Variants in SORCS3 observed in about 807,000 individuals in gnomAD.
The protein encoded by SORCS3 is sortilin related VPS10 domain containing receptor 3.
SORCS3 carries 57 observed loss-of-function variants against 146.3 expected under a neutral mutation model. The ratio of observed to expected loss-of-function variants is 0.39; its 90% CI spans 0.31 to 0.49. The LOEUF is 0.49. Ranked by LOEUF, SORCS3 falls within the 20% of genes least tolerant of loss-of-function variation. The probability of loss-of-function intolerance (pLI) is 0.92; values close to 1 mark genes in which losing one functional copy is unlikely to be tolerated. For synonymous variants in SORCS3, 653 were observed against 618.5 expected, an observed-to-expected ratio of 1.06 and a Z score of -0.83; for missense variants, 1,341 against 1,575.5, an observed-to-expected ratio of 0.85 and a Z score of 2.52.
intron 4 of SORCS3, among the ~76,000 whole-genome samples, chr10:104,987,364 C>T (rs1364482451): frequency 1.3e-5 from 2 of 151,972 alleles, no homozygotes; most frequent in African/African-American, 4.8e-5. Flanking sequence ...TTTATTATTT[C>T]ATTACATTGC....
rs1589717504 is a variant in SORCS3 at position 105,263,915 on chromosome 10, A to G, written c.*541A>G. The stretch of plus-strand genomic sequence containing the variant: ...TACAGATGGCTTATTGTATATAATT[A>G]CAATGTAAATAGCTTTTTATTTCCT... On this transcript the variant is annotated 3_prime_UTR_variant, in exon 27 of 27. Coordinates refer to ENST00000369701, the MANE Select transcript of SORCS3 (RefSeq NM_014978.3). 6.5e-6 allele frequency: 1 copy of G among 153,112 alleles called. No homozygotes were observed. The highest frequency in any genetic ancestry group is 1.9e-4 in the East Asian group (1 of 5,184). 9.5% of individuals were successfully genotyped at this position (153,112 alleles called of 1,614,324 possible).
At chr10:104,954,462 G>A (rs1319660378) in intron 3 of SORCS3, among the ~76,000 whole-genome samples, 1 of 152,208 alleles carries the variant, frequency 6.6e-6, no homozygotes, top group Non-Finnish European at 1.5e-5. Flanking sequence ...GTAAGTGCCT[G>A]TATACCAACT....
At chr10:104,782,688 G>A (rs1456750946) in intron 1 of SORCS3, among the ~76,000 whole-genome samples, 1 of 152,154 alleles carries the variant, frequency 6.6e-6, no homozygotes, top group African/African-American at 2.4e-5. Context: ...CCAAGAGTCA[G>A]GCATGAGCTC....
chr10:104,683,910 A>G (rs1454885701), intron 1 of SORCS3, among the ~76,000 whole-genome samples: 1 of 152,182 alleles, frequency 6.6e-6, no homozygotes, highest in Non-Finnish European at 1.5e-5. Context: ...AGGCCCTCTC[A>G]TTGAGTTATA....
intron 4 of SORCS3, among the ~76,000 whole-genome samples, chr10:105,029,435 T>C (rs930037645): frequency 1.3e-5 from 2 of 152,206 alleles, no homozygotes; most frequent in Non-Finnish European, 2.9e-5. Context: ...CCCTTTTGTA[T>C]CTAGAGGGAA....
At chr10:104,990,112 T>C (rs1365469153) in intron 4 of SORCS3, among the ~76,000 whole-genome samples, 1 of 152,134 alleles carries the variant, frequency 6.6e-6, no homozygotes, top group African/African-American at 2.4e-5. Flanking sequence ...ACTCTACCCC[T>C]CTGTGCAGAA....
chr10:105,207,171 CAA>C (rs1349620895), intron 16 of SORCS3, among the ~76,000 whole-genome samples: 1 of 152,080 alleles, frequency 6.6e-6, no homozygotes, highest in East Asian at 1.9e-4. Flanking sequence ...CAATCTTTGG[CAA>C]AGTCATTTCT....
intron 1 of SORCS3, among the ~76,000 whole-genome samples, chr10:104,683,909 C>G (rs1158713146): frequency 6.6e-6 from 1 of 152,186 alleles, no homozygotes; most frequent in Non-Finnish European, 1.5e-5. Flanking sequence ...AAGGCCCTCT[C>G]ATTGAGTTAT....
chr10:104,877,720 G>T (rs1328049895), intron 2 of SORCS3, among the ~76,000 whole-genome samples: 2 of 152,196 alleles, frequency 1.3e-5, no homozygotes, highest in East Asian at 1.9e-4. Context: ...AAGGGAAATT[G>T]TGCCAGGTGA....
At chr10:104,858,743 C>T (rs914210686) in intron 2 of SORCS3, among the ~76,000 whole-genome samples, 8 of 151,504 alleles carry the variant, frequency 5.3e-5, no homozygotes, top group African/African-American at 1.9e-4. Context: ...TGCCTCAGCC[C>T]CCTGAGTAGC....
chr10:105,189,694 G>A (rs1052251083), intron 14 of SORCS3, among the ~76,000 whole-genome samples: 3 of 152,180 alleles, frequency 2.0e-5, no homozygotes, highest in Admixed American at 6.5e-5. Context: ...GAAAGAGCTG[G>A]CTGTCAAGAG....
At chr10:104,944,480 C>T (rs2019349803) in intron 3 of SORCS3, among the ~76,000 whole-genome samples, 1 of 152,104 alleles carries the variant, frequency 6.6e-6, no homozygotes, top group African/African-American at 2.4e-5. Context: ...GTACTCATAT[C>T]TAGACTACAT....
chr10:105,232,216 T>A (rs2056769575), intron 20 of SORCS3, among the ~76,000 whole-genome samples: 2 of 152,186 alleles, frequency 1.3e-5, no homozygotes, highest in Admixed American at 1.3e-4. Context: ...TCAATTTATT[T>A]AATAGATATA....
chr10:105,243,020 T>TAC (rs1468805987), intron 20 of SORCS3, among the ~76,000 whole-genome samples: 1 of 130,798 alleles, frequency 7.6e-6, no homozygotes, highest in Non-Finnish European at 1.6e-5. Context: ...TATATATATT[T>TAC]ATACATATAT....
intron 1 of SORCS3, among the ~76,000 whole-genome samples, chr10:104,669,312 A>G (rs1212501445): frequency 6.6e-6 from 1 of 152,188 alleles, no homozygotes; most frequent in Admixed American, 6.5e-5. Flanking sequence ...GTACATTCAT[A>G]ATGTTGTACC....
chr10:104,663,519 C>T lies in SORCS3; in HGVS notation c.627+21565C>T, dbSNP rs188342075. On this transcript the variant is annotated intron_variant, in intron 1 of 26. Coordinates refer to ENST00000369701, the MANE Select transcript of SORCS3 (RefSeq NM_014978.3). ...GCTTCCTCCATTGCTTTCCTCTCTC[C>T]GCATGGCATCTCTGATATGTTGTTA... 3.6e-4 allele frequency among the ~76,000 whole-genome samples: 55 copies of T among 152,238 alleles called. No individual in the cohort carries two copies. The East Asian group carries it at 7.7e-3, about 21-fold the overall frequency.
intron 1 of SORCS3, among the ~76,000 whole-genome samples, chr10:104,649,840 T>A (rs12780990): frequency 0.55 from 82,877 of 151,978 alleles, 23,047 homozygotes; most frequent in East Asian, 0.74. Flanking sequence ...AGTTAAGGGA[T>A]CCAGAAAGAT....
At chr10:104,762,026 C>T (rs1002837190) in intron 1 of SORCS3, among the ~76,000 whole-genome samples, 2 of 152,198 alleles carry the variant, frequency 1.3e-5, no homozygotes, top group Non-Finnish European at 2.9e-5. Context: ...CACTCCTCTA[C>T]CACAAGAATC....
intron 1 of SORCS3, among the ~76,000 whole-genome samples, chr10:104,765,067 C>CCAGAGACTCCTATTAT (rs1281611681): frequency 6.6e-6 from 1 of 152,206 alleles, no homozygotes; most frequent in Non-Finnish European, 1.5e-5. Flanking sequence ...CTACCAACAG[C>CCAGAGACTCCTATTAT]CAGAGACTCC....
Sources: allele counts gnomAD v4.1 joint callset (sites outside exome capture counted in the v4.1 genomes callset), GRCh38; gene constraint gnomAD v4.1.1; transcripts MANE v1.5; gene names NCBI Gene and HGNC (gene_info 2026-07-23, HGNC 2026-07-21).